Variants in GEN1 observed in about 807,000 individuals in gnomAD.
The protein encoded by GEN1 is GEN1 structure-specific endonuclease, also known as flap endonuclease GEN homolog 1.
In GEN1, 64 loss-of-function variants were observed where a neutral mutation model predicts 67.6. That is an observed-to-expected ratio of 0.95 (90% CI 0.77 to 1.17). The LOEUF is 1.17. GEN1 is among the 50% of genes most tolerant of loss of function. The pLI, the probability that GEN1 is intolerant of heterozygous loss-of-function variation, is 0.00. For missense variants in GEN1, 1,058 were observed against 1,048.3 expected (o/e 1.01, Z -0.13); for synonymous variants, 371 against 359.4 (o/e 1.03, Z -0.37).
In GEN1 at chr2:17,778,304, A is replaced by G. The variant is rs1404954515; in HGVS notation, c.1264+241A>G. Among the ~76,000 whole-genome samples the G allele has an allele frequency of 6.7e-5, 7 of 104,064 alleles. 3 individuals are homozygous for G. The highest frequency in any genetic ancestry group is 2.1e-4 in the African/African-American group (5 of 23,590). 68.3% of individuals were successfully genotyped at this position (104,064 alleles called of 152,430 possible). A position where few individuals can be genotyped will look rare whatever the true frequency, so the allele number is the denominator to read the frequency against. Reference sequence around the variant, plus strand: ...TATACACACACATGTGTGTGTACATATATGTATATACACACACACGTGTAC... The same window carrying G: ...TATACACACACATGTGTGTGTACATGTATGTATATACACACACACGTGTAC... On this transcript the variant is annotated intron_variant, in intron 12 of 13. Transcript: ENST00000381254.
Position 17,766,649 on chromosome 2 carries a change from T to C in GEN1, c.596T>C (p.Val199Ala). ...SKLGLDRDAL[V>A]GLAILLGCDY... is the part of the protein sequence containing the mutation. ...CTAGGTTTGGATAGAGATGCTCTGGTTGGATTAGCAATACTTCTTGGCTGT... is the reference window on the plus strand; with the variant it reads ...CTAGGTTTGGATAGAGATGCTCTGGCTGGATTAGCAATACTTCTTGGCTGT... The change falls in exon 5 of 14, where the codon GTT (valine) becomes GCT (alanine). Residue 199 changes from valine to alanine, a missense_variant. Transcript: ENST00000381254. The C allele has an allele frequency of 1.2e-6, 2 of 1,607,968 alleles. No individual in the cohort carries two copies. The highest frequency in any genetic ancestry group is 2.2e-5 in the East Asian group (1 of 44,782).
chr2:17,771,766 A>C (rs75249427), intron 7 of GEN1, among the ~76,000 whole-genome samples: 3,220 of 145,878 alleles, frequency 0.022, 133 homozygotes, highest in African/African-American at 0.074. Context: ...AATAGCTTGG[A>C]TCTTCTTCAT....
chr2:17,773,262 T>C lies in GEN1; in HGVS notation c.1034T>C (p.Val345Ala). 6.2e-7 allele frequency: 1 copy of C among 1,602,324 alleles called. No individual in the cohort carries two copies. The highest frequency in any genetic ancestry group is 1.1e-5 in the South Asian group (1 of 90,122). Residue 345 changes from valine (V) to alanine (A), a missense_variant, in exon 10 of 14, where the codon GTT (valine) becomes GCT (alanine). Transcript: ENST00000381254. The stretch of plus-strand genomic sequence containing the variant: ...TTAAACAAGGATAAATTGGTGAAGG[T>C]TATCAGGTACCAAAGACCTGATTTG... ...FLLNKDKLVK[V>A]IRYQRPDLLL... is the part of the protein sequence containing the mutation.
intron 7 of GEN1, among the ~76,000 whole-genome samples, chr2:17,771,788 T>TG (rs1553329385): frequency 2.0e-5 from 3 of 146,886 alleles, no homozygotes; most frequent in Middle Eastern, 3.5e-3. Context: ...AGTCTTGGTT[T>TG]AAAAAAAAAA....
rs1430069550 is a variant in GEN1 at position 17,778,247 on chromosome 2, T to C, written c.1264+184T>C. ...ACACACATATATGTGTGTACATATA[T>C]GTATACACACATATGTGTGTACATA... On this transcript the variant is annotated intron_variant, in intron 12 of 13. Transcript: ENST00000381254. Among the ~76,000 whole-genome samples, 3 of 126,806 alleles carry C rather than the reference T, an allele frequency of 2.4e-5. 1 individual carries two copies. The highest frequency in any genetic ancestry group is 1.6e-4 in the Admixed American group (2 of 12,428). 83.2% of individuals were successfully genotyped at this position (126,806 alleles called of 152,430 possible). A position where few individuals can be genotyped will look rare whatever the true frequency, so the allele number is the denominator to read the frequency against.
chr2:17,770,503 A>G (rs1672129481), intron 6 of GEN1, among the ~76,000 whole-genome samples: 1 of 152,154 alleles, frequency 6.6e-6, no homozygotes, highest in South Asian at 2.1e-4. Flanking sequence ...AAGTAGAGGA[A>G]CATAATTCAG....
Position 17,764,871 on chromosome 2 carries a change from A to G in GEN1, c.349-26A>G, listed in dbSNP as rs770553354. On this transcript the variant is annotated intron_variant, in intron 3 of 13. Coordinates refer to ENST00000381254, the MANE Select transcript of GEN1 (RefSeq NM_001130009.3). The stretch of plus-strand genomic sequence containing the variant: ...ATGAGCAGTGAAAACATTCTTTAAC[A>G]TCTTGCACCTGCTTTTTGTTTTCAG... The G allele has an allele frequency of 3.7e-6, 6 of 1,602,146 alleles. No individual in the cohort carries two copies. In the Admixed American group the frequency reaches 7.0e-5, roughly 19 times the overall value.
rs1672597713 is a variant in GEN1, at chr2:17,778,292, G to GTGTGTACATATATGTATATACACACACA, written c.1264+234_1264+235insACATATATGTATATACACACACATGTGT. 2.1e-5 allele frequency among the ~76,000 whole-genome samples: 2 copies of GTGTGTACATATATGTATATACACACACA among 94,322 alleles called. 1 individual carries two copies. Among genetic ancestry groups the GTGTGTACATATATGTATATACACACACA allele is most frequent in the African/African-American group, 1.2e-4 (2 of 16,216 alleles). 61.9% of individuals were successfully genotyped at this position (94,322 alleles called of 152,430 possible). ...TACATATATGTATATACACACACAT[G>GTGTGTACATATATGTATATACACACACA]TGTGTGTACATATATGTATATACAC... On this transcript the variant is annotated intron_variant, in intron 12 of 13. Coordinates refer to ENST00000381254, the MANE Select transcript of GEN1 (RefSeq NM_001130009.3).
chr2:17,775,591 C>T (rs1407350793), intron 11 of GEN1, among the ~76,000 whole-genome samples: 3 of 152,234 alleles, frequency 2.0e-5, no homozygotes, highest in Admixed American at 2.0e-4. Context: ...AATCAGGCAA[C>T]AATCATCAAT....
chr2:17,763,369 CAA>C, intron 3 of GEN1, among the ~76,000 whole-genome samples: 1 of 151,956 alleles, frequency 6.6e-6, no homozygotes, highest in Non-Finnish European at 1.5e-5. Flanking sequence ...CAGCATAAAA[CAA>C]AAAAAGAGAT....
rs867468575 is a variant in GEN1, at chr2:17,778,189, C to T, written c.1264+126C>T. 418 of 322,536 alleles carry T rather than the reference C, an allele frequency of 1.3e-3. 2 individuals are homozygous for T. Among genetic ancestry groups the T allele is most frequent in the African/African-American group, 5.2e-3 (151 of 29,292 alleles). 20.0% of individuals were successfully genotyped at this position (322,536 alleles called of 1,614,324 possible). ...ATAGATATGTGTATATATATATATA[C>T]ACACACACATATATGTGTATATATA... On this transcript the variant is annotated intron_variant, in intron 12 of 13. Coordinates refer to ENST00000381254, the MANE Select transcript of GEN1 (RefSeq NM_001130009.3).
Position 17,771,275 on chromosome 2 carries a change from T to C in GEN1, c.790T>C (p.Cys264Arg). Residue 264 changes from cysteine to arginine, a missense_variant, in exon 7 of 14, where the codon TGT becomes CGT. Cys to Arg is a radical substitution (Grantham distance 180). Transcript: ENST00000381254. ...VTKKLAHCSV[C>R]SHPGSPKDHE... ...TAAAAAACTGGCTCATTGTTCCGTA[T>C]GTTCCCATCCAGGTAAGGAGACATA... 2 of 1,598,444 alleles carry C rather than the reference T, an allele frequency of 1.3e-6. No homozygotes were observed. The highest frequency in any genetic ancestry group is 1.7e-6 in the Non-Finnish European group (2 of 1,166,118).
intron 5 of GEN1, among the ~76,000 whole-genome samples, chr2:17,767,588 TCTC>T (rs1259058877): frequency 1.3e-5 from 2 of 152,106 alleles, no homozygotes; most frequent in African/African-American, 4.8e-5. Flanking sequence ...ATTTTGTAAT[TCTC>T]CTTCTAAAGT....
intron 12 of GEN1, among the ~76,000 whole-genome samples, chr2:17,778,403 T>TGC (rs1558409908): frequency 2.4e-5 from 1 of 42,158 alleles, no homozygotes; most frequent in Non-Finnish European, 4.9e-5. Flanking sequence ...TATATGTATA[T>TGC]ACACACATAT....
intron 5 of GEN1, among the ~76,000 whole-genome samples, chr2:17,767,963 T>C (rs1672008973): frequency 6.6e-6 from 1 of 152,238 alleles, no homozygotes; most frequent in African/African-American, 2.4e-5. Flanking sequence ...TGCTGTGCCA[T>C]AGACTCTCTT....
intron 11 of GEN1, among the ~76,000 whole-genome samples, chr2:17,776,359 T>C (rs1672433626): frequency 6.6e-6 from 1 of 152,112 alleles, no homozygotes; most frequent in Non-Finnish European, 1.5e-5. Context: ...ATTGGGGAAA[T>C]TTGAATATGG....
At chr2:17,773,954 G>A (rs535221451) in intron 10 of GEN1, among the ~76,000 whole-genome samples, 1 of 152,156 alleles carries the variant, frequency 6.6e-6, no homozygotes, top group African/African-American at 2.4e-5. Flanking sequence ...TGCATTGCAT[G>A]TAATCTCAAT....
chr2:17,772,748 A>G lies in GEN1; in HGVS notation c.917A>G (p.Asp306Gly). The change falls in exon 8 of 14, where the codon GAT (aspartate) becomes GGT (glycine). Residue 306 changes from aspartate to glycine, a missense_variant. By Grantham distance (94) the Asp-to-Gly change is moderately conservative. Transcript: ENST00000381254. The part of the protein sequence containing the change: ...CPCEWHRTEH[D>G]RQLSEVENNI... ...TGTGAGTGGCACCGTACAGAACATG[A>G]TAGGCAACTCAGTGAAGTAGAGAAC... The G allele has an allele frequency of 6.2e-7, 1 of 1,611,018 alleles. No homozygotes were observed. Among genetic ancestry groups the G allele is most frequent in the Non-Finnish European group, 8.5e-7 (1 of 1,178,430 alleles).
rs2125179079 is a variant in GEN1 at position 17,781,150 on chromosome 2, G to T, written c.1938G>T (p.Val646=). 2 of 1,613,990 alleles carry T rather than the reference G, an allele frequency of 1.2e-6. No homozygotes were observed. The highest frequency in any genetic ancestry group is 1.7e-6 in the Non-Finnish European group (2 of 1,179,900). Residue 646 remains valine (V), a synonymous_variant, in exon 14 of 14, where the codon GTG becomes GTT. Coordinates refer to ENST00000381254, the MANE Select transcript of GEN1 (RefSeq NM_001130009.3). The part of the protein sequence containing the change: ...SERYTANIKK[V]LDEDSDGISP... The stretch of plus-strand genomic sequence containing the variant: ...GGTACACTGCAAACATAAAGAAAGT[G>T]TTGGATGAGGATTCTGATGGGATTA...
Sources: allele counts gnomAD v4.1 joint callset (sites outside exome capture counted in the v4.1 genomes callset), GRCh38; gene constraint gnomAD v4.1.1; transcripts MANE v1.5; gene names NCBI Gene and HGNC (gene_info 2026-07-23, HGNC 2026-07-21).